The following XRN1 variants were observed in gnomAD, a reference collection of about 807,000 sequenced individuals.
XRN1 encodes the protein strand-exchange protein 1 homolog.
In XRN1, 67 loss-of-function variants were observed where a neutral mutation model predicts 222.3. The observed-to-expected ratio is 0.30, with a 90% CI of 0.25 to 0.37. The LOEUF (loss-of-function observed/expected upper bound fraction) is 0.37, where lower values mean the gene tolerates loss of function less well. Ranked by LOEUF, XRN1 falls within the 10% of genes least tolerant of loss-of-function variation. XRN1 has a pLI of 1.00. For synonymous variants in XRN1, 643 were observed against 652.4 expected, an observed-to-expected ratio of 0.99 and a Z score of 0.22; for missense variants, 1,707 against 2,000.2, an observed-to-expected ratio of 0.85 and a Z score of 2.80.
At chr3:142,330,271 G>C (rs1312554916) in intron 36 of XRN1, among the ~76,000 whole-genome samples, 1 of 152,116 alleles carries the variant, frequency 6.6e-6, no homozygotes, top group Non-Finnish European at 1.5e-5. Context: ...CTCAATTCTT[G>C]CAATTCCACC....
In XRN1 at chr3:142,311,503, A is replaced by G. The variant is rs1667154449; in HGVS notation, c.*8T>C. 1.9e-6 allele frequency: 3 copies of G among 1,571,104 alleles called. No homozygotes were observed. The highest frequency in any genetic ancestry group is 2.6e-6 in the Non-Finnish European group (3 of 1,158,000). Reference sequence around the variant, plus strand: ...GAGAAGAAATTAACTTAATTCTAAGAGCCAAATTTACTCAGAAGGTTTAGA... The same window carrying G: ...GAGAAGAAATTAACTTAATTCTAAGGGCCAAATTTACTCAGAAGGTTTAGA... On this transcript the variant is annotated 3_prime_UTR_variant, in exon 41 of 41. Coordinates refer to ENST00000392981, the MANE Select transcript of XRN1 (RefSeq NM_001282857.2).
chr3:142,423,476 A>G, intron 6 of XRN1, 84 bp downstream of exon 6: 1 of 1,112,808 alleles, frequency 9.0e-7, no homozygotes, highest in South Asian at 2.0e-5. Context: ...GGAATGAGAT[A>G]AAGTATTTAC....
intron 13 of XRN1, among the ~76,000 whole-genome samples, chr3:142,416,391 C>A (rs1324514653): frequency 6.6e-6 from 1 of 152,102 alleles, no homozygotes; most frequent in African/African-American, 2.4e-5. Context: ...CCATGTTGGC[C>A]AGGCTAGTCT....
At chr3:142,384,736 T>A in intron 20 of XRN1, 51 bp from the exon 21 acceptor site, 1 of 1,358,266 alleles carries the variant, frequency 7.4e-7, no homozygotes, top group Non-Finnish European at 9.9e-7. Context: ...TATGCAGATA[T>A]TCTAGGACGA....
At chr3:142,311,921 A>T in intron 40 of XRN1, 108 bp from the exon 41 acceptor site, 2 of 1,109,750 alleles carry the variant, frequency 1.8e-6, no homozygotes, top group Non-Finnish European at 2.5e-6. Context: ...ATCACAGCTG[A>T]TCTGTGACTT....
At position 142,447,676 on chromosome 3, in the gene XRN1, C is replaced by T. The variant is rs1341103629; in HGVS notation, c.75+194G>A. ...CGTGAACCCAGCGGCTCTGTCCACACACAGGCAACCTGCGTCCTTAGCCCC... is the reference window on the plus strand; with the variant it reads ...CGTGAACCCAGCGGCTCTGTCCACATACAGGCAACCTGCGTCCTTAGCCCC... On this transcript the variant is annotated intron_variant, in intron 1 of 40. Transcript: ENST00000392981. The surrounding 1 kb of genome is among the most constrained non-coding windows in gnomAD (Gnocchi z 4.2). 6.6e-6 allele frequency among the ~76,000 whole-genome samples: 1 copy of T among 152,260 alleles called. No individual in the cohort carries two copies. The highest frequency in any genetic ancestry group is 1.5e-5 in the Non-Finnish European group (1 of 68,044).
chr3:142,365,444 G>A, intron 27 of XRN1, 78 bp from the exon 28 acceptor site: 2 of 1,095,070 alleles, frequency 1.8e-6, no homozygotes, highest in East Asian at 2.9e-5. Flanking sequence ...ACTTCCACAT[G>A]TCTGAATTTT....
chr3:142,347,514 A>G (rs1187308224), intron 32 of XRN1, among the ~76,000 whole-genome samples, 172 bp from the exon 33 acceptor site: 1 of 152,192 alleles, frequency 6.6e-6, no homozygotes, highest in East Asian at 1.9e-4. Context: ...CACCAGACTC[A>G]TTAACATAAT....
chr3:142,442,515 G>A (rs1306280340), intron 1 of XRN1, among the ~76,000 whole-genome samples: 2 of 152,102 alleles, frequency 1.3e-5, no homozygotes, highest in Non-Finnish European at 2.9e-5. Flanking sequence ...AGCCACCGAA[G>A]AAAGAAAAAT....
chr3:142,345,178 C>T (rs1474583811), intron 33 of XRN1, among the ~76,000 whole-genome samples: 4 of 152,122 alleles, frequency 2.6e-5, no homozygotes, highest in Non-Finnish European at 4.4e-5. Flanking sequence ...TCAAGCAATC[C>T]TCCTGCCTCA....
intron 33 of XRN1, among the ~76,000 whole-genome samples, chr3:142,344,238 G>C (rs1325145447): frequency 6.6e-6 from 1 of 152,008 alleles, no homozygotes; most frequent in African/African-American, 2.4e-5. Context: ...TAATTATGTT[G>C]TTTCTAACAT....
At chr3:142,443,896 C>T (rs566740571) in intron 1 of XRN1, among the ~76,000 whole-genome samples, 1 of 152,344 alleles carries the variant, frequency 6.6e-6, no homozygotes, top group African/African-American at 2.4e-5. Flanking sequence ...ACTATTCAGC[C>T]ACAAGAAGGA....
intron 40 of XRN1, 25 bp downstream of exon 40, chr3:142,312,573 A>G (rs760499082): frequency 4.6e-6 from 7 of 1,511,238 alleles, no homozygotes; most frequent in Non-Finnish European, 6.2e-6. Context: ...ACAAATAATT[A>G]TCTTAAAAAT....
At chr3:142,316,688 T>C (rs1482687984) in intron 39 of XRN1, among the ~76,000 whole-genome samples, 1 of 152,196 alleles carries the variant, frequency 6.6e-6, no homozygotes, top group Non-Finnish European at 1.5e-5. Context: ...ATAACTATAC[T>C]ACATCTACAA....
chr3:142,339,912 T>C (rs2065945507), intron 33 of XRN1, among the ~76,000 whole-genome samples: 1 of 152,218 alleles, frequency 6.6e-6, no homozygotes, highest in African/African-American at 2.4e-5. Flanking sequence ...ATCAGATACA[T>C]TTCACAAAGA....
rs2070593026 is a variant in XRN1 at position 142,447,786 on chromosome 3, C to T, written c.75+84G>A. 2 of 1,491,674 alleles carry T rather than the reference C, an allele frequency of 1.3e-6. No individual in the cohort carries two copies. Among genetic ancestry groups the T allele is most frequent in the African/African-American group, 1.4e-5 (1 of 71,302 alleles). 92.4% of individuals were successfully genotyped at this position (1,491,674 alleles called of 1,614,324 possible). On this transcript the variant is annotated intron_variant, in intron 1 of 40. Transcript: ENST00000392981. This position sits in a 1 kb window ranked among gnomAD's most constrained non-coding sequence, Gnocchi z 4.2. ...CCAGACGACGAGGGGAAAGAGGTGG[C>T]TCGAAAGCCCCAGCTCTAAGGTGGA...
rs2065006308 is a variant in XRN1 at position 142,308,178 on chromosome 3, T to TA, written c.*3332dup. On this transcript the variant is annotated 3_prime_UTR_variant, in exon 41 of 41. Coordinates refer to ENST00000392981, the MANE Select transcript of XRN1 (RefSeq NM_001282857.2). ...ATAGAACACATAAATAAAAAGTGAG[T>TA]AAAAAAGACCTTACAGTTTATCTAT... 2 of 152,220 alleles carry TA rather than the reference T, an allele frequency of 1.3e-5. No individual in the cohort carries two copies. Among genetic ancestry groups the TA allele is most frequent in the Middle Eastern group, 6.8e-3 (2 of 294 alleles). The allele number at this position is 152,220 out of a possible 1,614,324, so 9.4% of individuals were successfully genotyped here.
At chr3:142,324,739 A>G (rs1577220965) in intron 37 of XRN1, among the ~76,000 whole-genome samples, 1 of 152,024 alleles carries the variant, frequency 6.6e-6, no homozygotes, top group South Asian at 2.1e-4. Flanking sequence ...CTATTTCCCC[A>G]TATCCTCTCC....
At chr3:142,370,183 A>C (rs2066947012) in intron 27 of XRN1, among the ~76,000 whole-genome samples, 1 of 152,162 alleles carries the variant, frequency 6.6e-6, no homozygotes, top group African/African-American at 2.4e-5. Context: ...CAAGGGCATA[A>C]AATTTAAATA....
Sources: allele counts gnomAD v4.1 joint callset (sites outside exome capture counted in the v4.1 genomes callset), GRCh38; gene constraint gnomAD v4.1.1; non-coding constraint Gnocchi (gnomAD v3.1); transcripts MANE v1.5; gene names NCBI Gene and HGNC (gene_info 2026-07-23, HGNC 2026-07-21).